Variants in ACOXL observed in about 807,000 individuals in gnomAD.
ACOXL encodes the protein acyl-CoA oxidase like, also known as acyl-coenzyme A oxidase-like protein.
In ACOXL, 70 loss-of-function variants were observed where a neutral mutation model predicts 71.9. The observed-to-expected ratio is 0.97, with a 90% CI of 0.80 to 1.19. The LOEUF (loss-of-function observed/expected upper bound fraction) is 1.19, where lower values mean the gene tolerates loss of function less well. Ranked by LOEUF, ACOXL falls within the 50% of genes most tolerant of loss-of-function variation. The probability of loss-of-function intolerance (pLI) is 0.00; values close to 1 mark genes in which losing one functional copy is unlikely to be tolerated. For synonymous variants in ACOXL, 253 were observed against 281.6 expected (o/e 0.90, Z 1.02); for missense variants, 703 against 736.3 (o/e 0.95, Z 0.52).
At chr2:110,896,823 A>G (rs1201592213) in intron 10 of ACOXL, among the ~76,000 whole-genome samples, 1 of 152,212 alleles carries the variant, frequency 6.6e-6, no homozygotes, top group Non-Finnish European at 1.5e-5. Flanking sequence ...TGATGGAACT[A>G]GGCAGAAAGT....
chr2:110,996,331 C>T (rs1320919172), intron 14 of ACOXL, among the ~76,000 whole-genome samples: 1 of 152,152 alleles, frequency 6.6e-6, no homozygotes, highest in Non-Finnish European at 1.5e-5. Flanking sequence ...GTACATCGTT[C>T]TCTAAGACAG....
intron 12 of ACOXL, among the ~76,000 whole-genome samples, chr2:110,955,933 A>ATTTTTT (rs67285328): frequency 2.1e-4 from 21 of 101,750 alleles, no homozygotes; most frequent in Non-Finnish European, 2.7e-4. Flanking sequence ...CTTGCCACAG[A>ATTTTTT]TTTTTTTTTT....
At chr2:110,931,770 G>A (rs1009709303) in intron 11 of ACOXL, among the ~76,000 whole-genome samples, 2 of 152,160 alleles carry the variant, frequency 1.3e-5, no homozygotes, top group Non-Finnish European at 1.5e-5. Context: ...AGACTGTAAA[G>A]ACCAATTGTT....
At chr2:111,044,927 C>A (rs373403261) in intron 15 of ACOXL, among the ~76,000 whole-genome samples, 2 of 152,140 alleles carry the variant, frequency 1.3e-5, no homozygotes, top group Admixed American at 1.3e-4. Flanking sequence ...GCTTCCTCTC[C>A]TTGATCCCCA....
chr2:111,051,803 C>CTGCATTGTCAAGGGTAAT (rs1190808167), intron 16 of ACOXL, among the ~76,000 whole-genome samples: 2 of 152,164 alleles, frequency 1.3e-5, no homozygotes, highest in African/African-American at 2.4e-5. Context: ...GCATGCATTC[C>CTGCATTGTCAAGGGTAAT]TGCATTGTCA....
rs1158316860 is a variant in ACOXL at position 111,031,641 on chromosome 2, G to A, written c.1296G>A (p.Lys432=). 2.5e-6 allele frequency: 4 copies of A among 1,614,056 alleles called. No homozygotes were observed. Among genetic ancestry groups the A allele is most frequent in the Non-Finnish European group, 3.4e-6 (4 of 1,180,024 alleles). ...CGATTGGACAGGTAAAGACCAAGAA[G>A]GAGGATTTTTTCCATGCCTGGAACT... is the stretch of plus-strand genomic sequence containing the variant. ...ARIYYKVKTK[K]EDFFHAWNSC... is the part of the protein sequence containing the mutation. Residue 432 remains lysine, a synonymous_variant, in exon 15 of 18, where the codon AAG becomes AAA. Transcript: ENST00000439055.
At chr2:110,945,807 G>GTA (rs1209739530) in intron 12 of ACOXL, among the ~76,000 whole-genome samples, 1 of 151,034 alleles carries the variant, frequency 6.6e-6, no homozygotes, top group African/African-American at 2.4e-5. Context: ...TTTTGCTTAG[G>GTA]ATTGCCTTAG....
chr2:110,987,690 A>G (rs2062991694), intron 13 of ACOXL, among the ~76,000 whole-genome samples: 1 of 152,190 alleles, frequency 6.6e-6, no homozygotes, highest in Non-Finnish European at 1.5e-5. Flanking sequence ...AATATATGTA[A>G]CATTTTGTAA....
At chr2:110,774,581 CA>C (rs1323462304) in intron 2 of ACOXL, among the ~76,000 whole-genome samples, 5 of 152,026 alleles carry the variant, frequency 3.3e-5, no homozygotes, top group African/African-American at 1.2e-4. Flanking sequence ...ATCATAGCAT[CA>C]AAAAGAATAA....
Position 110,881,543 on chromosome 2 carries a change from A to G in ACOXL, c.789-27246A>G, listed in dbSNP as rs114286378. On this transcript the variant is annotated intron_variant, in intron 10 of 17. Coordinates refer to ENST00000439055, the MANE Select transcript of ACOXL (RefSeq NM_001142807.4). Reference sequence around the variant, plus strand: ...GATTGATAGTTTTCACATTCATGGCATGGCACCATCGCCACAATCAAAATA... The same window carrying G: ...GATTGATAGTTTTCACATTCATGGCGTGGCACCATCGCCACAATCAAAATA... Among the ~76,000 whole-genome samples, 309 of 152,324 alleles carry G rather than the reference A, an allele frequency of 2.0e-3. 2 individuals carry two copies. Among genetic ancestry groups the G allele is most frequent in the African/African-American group, 7.3e-3 (303 of 41,568 alleles).
At chr2:110,753,573 T>C (rs1679287303) in intron 1 of ACOXL, among the ~76,000 whole-genome samples, 1 of 152,242 alleles carries the variant, frequency 6.6e-6, no homozygotes, top group Non-Finnish European at 1.5e-5. Flanking sequence ...TTTTTATTGC[T>C]AAGTAGCATT....
chr2:110,821,655 C>T (rs1040766552), intron 9 of ACOXL, among the ~76,000 whole-genome samples: 5 of 152,180 alleles, frequency 3.3e-5, no homozygotes, highest in South Asian at 2.1e-4. Context: ...CCTTTTCATA[C>T]GATCAGCCCA....
Position 110,747,807 on chromosome 2 carries a change from CT to C in ACOXL, c.-23+15034del, listed in dbSNP as rs56390938. On this transcript the variant is annotated intron_variant, in intron 1 of 17. Coordinates refer to ENST00000439055, the MANE Select transcript of ACOXL (RefSeq NM_001142807.4). ...TAGGAGGTTATATCTGTTTGCATCT[CT>C]GCTCATGTGGTCCTGTTTCTCCCTT... 7.8e-3 allele frequency among the ~76,000 whole-genome samples: 1,193 copies of C among 152,166 alleles called. 6 individuals are homozygous for C. Among genetic ancestry groups the C allele is most frequent in the Non-Finnish European group, 0.012 (850 of 68,012 alleles).
At chr2:110,877,502 C>T (rs62159474) in intron 10 of ACOXL, among the ~76,000 whole-genome samples, 45,619 of 151,904 alleles carry the variant, frequency 0.3, 7,266 homozygotes, top group Non-Finnish European at 0.35. Context: ...GGGTTTTGTT[C>T]GGTTGTTTTT....
chr2:111,055,919 C>T (rs927281624), intron 16 of ACOXL, among the ~76,000 whole-genome samples: 2 of 152,170 alleles, frequency 1.3e-5, no homozygotes, highest in Non-Finnish European at 2.9e-5. Context: ...CTCTTATCCT[C>T]GTAAGCTAGA....
At chr2:110,737,328 C>T (rs941246920) in intron 1 of ACOXL, among the ~76,000 whole-genome samples, 1 of 152,128 alleles carries the variant, frequency 6.6e-6, no homozygotes, top group Non-Finnish European at 1.5e-5. Context: ...AAAGAGCCAC[C>T]TCTTGGTTAT....
At chr2:111,091,595 A>G (rs2068527029) in intron 16 of ACOXL, among the ~76,000 whole-genome samples, 1 of 152,204 alleles carries the variant, frequency 6.6e-6, no homozygotes, top group Non-Finnish European at 1.5e-5. Flanking sequence ...TGTTTTCAGT[A>G]TGAATTGCAG....
At chr2:110,805,222 T>C (rs1011601189) in intron 8 of ACOXL, 41 bp from the exon 9 acceptor site, 1 of 1,612,132 alleles carries the variant, frequency 6.2e-7, no homozygotes, top group Non-Finnish European at 8.5e-7. Context: ...GGTGGTGCTA[T>C]GTCCTGCTTT....
chr2:111,064,359 T>C (rs995070577), intron 16 of ACOXL, among the ~76,000 whole-genome samples: 2 of 149,300 alleles, frequency 1.3e-5, no homozygotes, highest in Non-Finnish European at 3.0e-5. Context: ...TGGCGTGAAC[T>C]TGGGAGGCGG....
Sources: gnomAD v4.1 joint callset for allele counts (sites outside exome capture counted in the v4.1 genomes callset) on GRCh38, gnomAD v4.1.1 for gene constraint, MANE v1.5 for transcripts, NCBI Gene and HGNC (gene_info 2026-07-23, HGNC 2026-07-21) for gene names.